The following PXDNL variants were observed in gnomAD, a reference collection of about 807,000 sequenced individuals.
The protein encoded by PXDNL is probable oxidoreductase PXDNL.
A neutral mutation model predicts 150.8 loss-of-function variants in PXDNL; 145 were observed. The ratio of observed to expected loss-of-function variants is 0.96; its 90% CI spans 0.84 to 1.10. PXDNL has a LOEUF of 1.10. Ranked by LOEUF, PXDNL falls within the 50% of genes least tolerant of loss-of-function variation. The pLI is 0.00. For missense variants in PXDNL, 2,087 were observed against 1,873.9 expected, an observed-to-expected ratio of 1.11 and a Z score of -2.10; for synonymous variants, 757 against 725.7, an observed-to-expected ratio of 1.04 and a Z score of -0.69.
At chr8:51,694,611 G>T (rs771740162) in intron 1 of PXDNL, among the ~76,000 whole-genome samples, 2 of 152,180 alleles carry the variant, frequency 1.3e-5, no homozygotes, top group Non-Finnish European at 1.5e-5. Context: ...TGTCAATCAT[G>T]CAAGAGCAAT....
At chr8:51,714,399 T>G (rs1407523177) in intron 1 of PXDNL, among the ~76,000 whole-genome samples, 1 of 152,204 alleles carries the variant, frequency 6.6e-6, no homozygotes, top group Non-Finnish European at 1.5e-5. Flanking sequence ...ACTATACTGT[T>G]GGCCATATAA....
chr8:51,741,638 G>C (rs992764296), intron 1 of PXDNL, among the ~76,000 whole-genome samples: 3 of 152,126 alleles, frequency 2.0e-5, no homozygotes, highest in Admixed American at 6.5e-5. Flanking sequence ...AGGAGAAGCA[G>C]ACATATAGGT....
chr8:51,502,331 C>T (rs1472216959), intron 4 of PXDNL, among the ~76,000 whole-genome samples: 5 of 152,170 alleles, frequency 3.3e-5, no homozygotes, highest in African/African-American at 1.2e-4. Flanking sequence ...ATCCAAGAAT[C>T]CCGGAGCAGA....
chr8:51,648,567 C>G (rs1036284888), intron 2 of PXDNL, among the ~76,000 whole-genome samples: 1 of 152,160 alleles, frequency 6.6e-6, no homozygotes, highest in African/African-American at 2.4e-5. Context: ...CTTCTGGTCT[C>G]TAGAATTGTG....
chr8:51,529,508 T>C (rs7828994), intron 4 of PXDNL, among the ~76,000 whole-genome samples: 30,790 of 152,178 alleles, frequency 0.2, 3,340 homozygotes, highest in Admixed American at 0.29. Flanking sequence ...TCTAAGTCTC[T>C]TTTGCTGTTT....
chr8:51,724,859 G>A (rs1432367736), intron 1 of PXDNL, among the ~76,000 whole-genome samples: 2 of 152,128 alleles, frequency 1.3e-5, no homozygotes, highest in African/African-American at 2.4e-5. Context: ...AAATTCACGT[G>A]TGTTTCAGTT....
At chr8:51,392,695 T>C (rs1807950214) in intron 17 of PXDNL, among the ~76,000 whole-genome samples, 1 of 152,174 alleles carries the variant, frequency 6.6e-6, no homozygotes, top group Non-Finnish European at 1.5e-5. Flanking sequence ...ACAGGAACAA[T>C]TTGACTTCCT....
rs779475364 is a variant in PXDNL at position 51,409,370 on chromosome 8, G to A, written c.2254C>T (p.Leu752=). The change falls in exon 17 of 23, where the codon CTG becomes TTG. Residue 752 remains leucine, a synonymous_variant. Transcript: ENST00000356297. ...WGAALTAFAR[L]LQPAYRDGIR... ...CCGTCCCGGTAGGCTGGCTGCAGCA[G>A]GCGCGCGAAGGCGGTCAGCGCCGCG... 5.7e-6 allele frequency: 9 copies of A among 1,569,490 alleles called. No homozygotes were observed. The East Asian group carries it at 2.2e-4, about 38-fold the overall frequency.
At chr8:51,445,928 G>C (rs2129918643) in intron 12 of PXDNL, among the ~76,000 whole-genome samples, 1 of 151,618 alleles carries the variant, frequency 6.6e-6, no homozygotes, top group South Asian at 2.1e-4. Context: ...CGTTTGAGTT[G>C]CTATTTTCAT....
rs138546678 is a variant in PXDNL, at chr8:51,527,553, T to G, written c.381-27783A>C. On this transcript the variant is annotated intron_variant, in intron 4 of 22. Coordinates refer to ENST00000356297, the MANE Select transcript of PXDNL (RefSeq NM_144651.5). Reference sequence around the variant, plus strand: ...CTACAACAACCCTGTGAGGTGAGTATTATTATCCACAGGAGATGTTATGGC... The same window carrying G: ...CTACAACAACCCTGTGAGGTGAGTAGTATTATCCACAGGAGATGTTATGGC... Among the ~76,000 whole-genome samples the G allele has an allele frequency of 2.7e-3, 409 of 152,324 alleles. 2 individuals are homozygous for G. The highest frequency in any genetic ancestry group is 9.2e-3 in the African/African-American group (382 of 41,564).
intron 12 of PXDNL, among the ~76,000 whole-genome samples, chr8:51,433,651 G>A (rs1809316787): frequency 6.6e-6 from 1 of 152,036 alleles, no homozygotes; most frequent in South Asian, 2.1e-4. Flanking sequence ...TTAATTTGCT[G>A]GTTTCCTAAT....
At chr8:51,644,472 T>C (rs111571782) in intron 2 of PXDNL, among the ~76,000 whole-genome samples, 73,361 of 138,126 alleles carry the variant, frequency 0.53, 24,542 homozygotes, top group Non-Finnish European at 0.71. Flanking sequence ...TTTTTGTTTT[T>C]GTTTTGAGAC....
At chr8:51,801,583 ACTCTTT>A (rs1180861943) in intron 1 of PXDNL, among the ~76,000 whole-genome samples, 1 of 151,896 alleles carries the variant, frequency 6.6e-6, no homozygotes, top group Non-Finnish European at 1.5e-5. Flanking sequence ...CTCTCTTTGC[ACTCTTT>A]CTCTTTATTT....
At chr8:51,580,722 C>T (rs1281909201) in intron 3 of PXDNL, among the ~76,000 whole-genome samples, 2 of 152,088 alleles carry the variant, frequency 1.3e-5, no homozygotes, top group African/African-American at 4.8e-5. Flanking sequence ...AGTAGCTTAT[C>T]ACTTTGTAGA....
chr8:51,411,452 G>A (rs1179065098), intron 15 of PXDNL, 45 bp from the exon 16 acceptor site: 4 of 1,513,590 alleles, frequency 2.6e-6, no homozygotes, highest in Non-Finnish European at 3.5e-6. Flanking sequence ...CAAAACAGCA[G>A]AGTCCATGAA....
intron 21 of PXDNL, among the ~76,000 whole-genome samples, chr8:51,337,778 C>T (rs1805872315): frequency 6.6e-6 from 1 of 151,464 alleles, no homozygotes; most frequent in Admixed American, 6.6e-5. Context: ...ACACGGGAGG[C>T]TGAGGCTGTG....
At chr8:51,479,266 A>T (rs541116770) in intron 6 of PXDNL, among the ~76,000 whole-genome samples, 22 of 152,230 alleles carry the variant, frequency 1.4e-4, no homozygotes, top group Admixed American at 3.3e-4. Context: ...ACCCAGATAG[A>T]AATTTATGTA....
chr8:51,513,733 A>T (rs1230599026), intron 4 of PXDNL, among the ~76,000 whole-genome samples: 1 of 152,296 alleles, frequency 6.6e-6, no homozygotes, highest in African/African-American at 2.4e-5. Flanking sequence ...ACTCAAATTC[A>T]CTTTTGTAAA....
chr8:51,518,427 A>G (rs1175068616), intron 4 of PXDNL, among the ~76,000 whole-genome samples: 1 of 152,236 alleles, frequency 6.6e-6, no homozygotes, highest in Non-Finnish European at 1.5e-5. Flanking sequence ...ATATATACAT[A>G]TGCATACAAG....
Sources: allele counts gnomAD v4.1 joint callset (sites outside exome capture counted in the v4.1 genomes callset), GRCh38; gene constraint gnomAD v4.1.1; transcripts MANE v1.5; gene names NCBI Gene and HGNC (gene_info 2026-07-23, HGNC 2026-07-21).